LETMD1: variants seen among roughly 807,000 people sequenced by gnomAD.
LETMD1 encodes LETM1 domain containing 1, also known as LETM1 domain-containing protein 1.
LETMD1 carries 30 observed loss-of-function variants against 43.9 expected under a neutral mutation model. The observed-to-expected ratio is 0.68, with a 90% CI of 0.51 to 0.93. The LOEUF (loss-of-function observed/expected upper bound fraction) is 0.93, where lower values mean the gene tolerates loss of function less well. LETMD1 is among the 40% of genes least tolerant of loss of function. LETMD1 has a pLI of 0.00. For missense variants in LETMD1, 413 were observed against 447.7 expected (o/e 0.92, Z 0.70); for synonymous variants, 176 against 163.1 (o/e 1.08, Z -0.60).
downstream of LETMD1, chr12:51,063,085 C>T (rs1205063832): frequency 2.0e-5 from 3 of 152,164 alleles, no homozygotes; most frequent in East Asian, 1.9e-4. Flanking sequence ...TACTTAAGAA[C>T]ATGTGGAAGA....
chr12:51,051,469 A>G (rs1367321993), intron 2 of LETMD1, among the ~76,000 whole-genome samples: 1 of 151,906 alleles, frequency 6.6e-6, no homozygotes, highest in Non-Finnish European at 1.5e-5. Context: ...GCACTTTGGG[A>G]GGCCGAGGCA....
chr12:51,061,243 C>CTCT (rs1259680589), downstream of LETMD1: 1 of 152,502 alleles, frequency 6.6e-6, no homozygotes, highest in Non-Finnish European at 1.5e-5. Flanking sequence ...TTTAAATATT[C>CTCT]TCTTTAAATA....
At chr12:51,048,580 T>G in intron 1 of LETMD1, 102 bp downstream of exon 1, 2 of 1,451,870 alleles carry the variant, frequency 1.4e-6, no homozygotes, top group Non-Finnish European at 1.9e-6. Flanking sequence ...TTCCACGCCT[T>G]GGCCCTGGAA....
downstream of LETMD1, chr12:51,063,865 G>A (rs1354742242): frequency 6.2e-7 from 1 of 1,614,016 alleles, no homozygotes; most frequent in Non-Finnish European, 8.5e-7. Flanking sequence ...AGGCTTGAGG[G>A]GGACCAGGAA....
chr12:51,053,947 G>T, intron 4 of LETMD1, 87 bp downstream of exon 4: 1 of 867,936 alleles, frequency 1.2e-6, no homozygotes, highest in Non-Finnish European at 1.8e-6. Context: ...ACTCATTTCA[G>T]AAGATAGGCA....
At chr12:51,067,621 C>T in the LETMD1 span, 1 of 1,561,642 alleles carries the variant, frequency 6.4e-7, no homozygotes, top group Non-Finnish European at 8.7e-7. This position sits in a 1 kb window ranked among gnomAD's most constrained non-coding sequence, Gnocchi z 4.1. Flanking sequence ...ACCCACACCT[C>T]ACCCCGCTGA....
In LETMD1 at chr12:51,058,083, C is replaced by G. The variant is rs370518215; in HGVS notation, c.967C>G (p.Arg323Gly). 27 of 1,613,688 alleles carry G rather than the reference C, an allele frequency of 1.7e-5. No homozygotes were observed. The highest frequency in any genetic ancestry group is 5.0e-5 in the Admixed American group (3 of 59,986). Residue 323 changes from arginine to glycine, a missense_variant, in exon 8 of 9, where the codon CGA becomes GGA. Transcript: ENST00000262055. Reference protein sequence around the residue: ...NSTHIGEDRCRTWLGEWLQIS... With the variant: ...NSTHIGEDRCGTWLGEWLQIS... The stretch of plus-strand genomic sequence containing the variant: ...TACGCATATTGGTGAAGATAGGTGT[C>G]GAACTTGGCTGGGAGAATGGCTGCA...
downstream of LETMD1, chr12:51,064,735 A>G: frequency 7.3e-7 from 1 of 1,374,886 alleles, no homozygotes; most frequent in Non-Finnish European, 9.7e-7. Flanking sequence ...GACAGGAGAC[A>G]TGAGCTGGCA....
chr12:51,061,535 A>C (rs1237206180), downstream of LETMD1: 1 of 152,672 alleles, frequency 6.5e-6, no homozygotes, highest in Non-Finnish European at 1.5e-5. Flanking sequence ...GTTGTAGAGA[A>C]GGCCTTTCGC....
chr12:51,067,150 G>A, the LETMD1 span, among the ~76,000 whole-genome samples: 2 of 151,510 alleles, frequency 1.3e-5, no homozygotes, highest in Non-Finnish European at 2.9e-5. This position sits in a 1 kb window ranked among gnomAD's most constrained non-coding sequence, Gnocchi z 4.1. Flanking sequence ...TTTATCTCAA[G>A]GAATCAGTAT....
At chr12:51,052,673 C>T (rs1489821674) in intron 3 of LETMD1, among the ~76,000 whole-genome samples, 11 of 151,572 alleles carry the variant, frequency 7.3e-5, no homozygotes, top group Non-Finnish European at 1.6e-4. Context: ...CCCAGCTACT[C>T]GGGAGGCTGA....
chr12:51,053,694 T>G, intron 3 of LETMD1, 84 bp from the exon 4 acceptor site: 1 of 880,738 alleles, frequency 1.1e-6, no homozygotes, highest in Non-Finnish European at 1.8e-6. Context: ...AATAGAAGTT[T>G]ACTGTACAGT....
chr12:51,059,291 T>G (rs1051212425), intron 8 of LETMD1, 70 bp from the exon 9 acceptor site: 1 of 1,406,312 alleles, frequency 7.1e-7, no homozygotes, highest in Non-Finnish European at 1.0e-6. Flanking sequence ...GCCTCCAGGC[T>G]TAAGCCATAT....
intron 4 of LETMD1, chr12:51,055,562 G>A (rs1478128550): frequency 6.7e-6 from 2 of 299,288 alleles, no homozygotes; most frequent in African/African-American, 4.4e-5. Context: ...CTACTCAGTA[G>A]GCTGTGGTGG....
In LETMD1 at chr12:51,052,325, G is replaced by C. The variant is rs191625960; in HGVS notation, c.390+118G>C. The C allele has an allele frequency of 6.5e-6, 8 of 1,240,202 alleles. No individual in the cohort carries two copies. In the Admixed American group the frequency reaches 1.5e-4, roughly 24 times the overall value. 76.8% of individuals were successfully genotyped at this position (1,240,202 alleles called of 1,614,324 possible). On this transcript the variant is annotated intron_variant, in intron 3 of 8. Transcript: ENST00000262055. Reference sequence around the variant, plus strand: ...ATTGATCAAGCTTTTGCCCTTTGCCGTGAGAACAAAATATTGAACTGAATG... The same window carrying C: ...ATTGATCAAGCTTTTGCCCTTTGCCCTGAGAACAAAATATTGAACTGAATG...
the LETMD1 span, among the ~76,000 whole-genome samples, chr12:51,068,602 C>T: frequency 6.6e-6 from 1 of 152,206 alleles, no homozygotes; most frequent in Non-Finnish European, 1.5e-5. Flanking sequence ...TTCCCTCCTA[C>T]ACGAAAATCT....
At chr12:51,057,123 A>G (rs1016686970) in intron 7 of LETMD1, among the ~76,000 whole-genome samples, 2 of 152,076 alleles carry the variant, frequency 1.3e-5, no homozygotes, top group African/African-American at 2.4e-5. Context: ...CTGTAATCCC[A>G]GGTACTTGGG....
downstream of LETMD1, chr12:51,061,414 C>A (rs1370077863): frequency 6.6e-6 from 1 of 152,572 alleles, no homozygotes; most frequent in African/African-American, 2.4e-5. Flanking sequence ...TTATCTAGGC[C>A]TAGACTGGGA....
intron 3 of LETMD1, among the ~76,000 whole-genome samples, chr12:51,052,960 G>A (rs1434432574): frequency 6.6e-6 from 1 of 151,280 alleles, no homozygotes; most frequent in Non-Finnish European, 1.5e-5. Flanking sequence ...TCAAAAATTA[G>A]CTGGGCATGA....
Sources: gnomAD v4.1 joint callset for allele counts (sites outside exome capture counted in the v4.1 genomes callset) on GRCh38, gnomAD v4.1.1 for gene constraint, Gnocchi (gnomAD v3.1) non-coding constraint, MANE v1.5 for transcripts, NCBI Gene and HGNC (gene_info 2026-07-23, HGNC 2026-07-21) for gene names.